ROBO2: variants seen among roughly 807,000 people sequenced by gnomAD.
ROBO2 encodes roundabout homolog 2.
Under a neutral mutation model 160.8 loss-of-function variants are expected in ROBO2, and 53 were observed. The observed-to-expected ratio is 0.33, with a 90% CI of 0.26 to 0.41. The LOEUF is 0.41. ROBO2 is among the 10% of genes least tolerant of loss of function. ROBO2 has a pLI of 1.00. For missense variants in ROBO2, 1,577 were observed against 1,722.4 expected (o/e 0.92, Z 1.49); for synonymous variants, 664 against 611.7 (o/e 1.09, Z -1.26).
chr3:77,527,500 A>G (rs528895015), intron 6 of ROBO2, 86 bp downstream of exon 7: 5 of 992,334 alleles, frequency 5.0e-6, no homozygotes, highest in Admixed American at 3.1e-5. Flanking sequence ...AGAATGAAAT[A>G]TATTTATTTT....
chr3:76,856,336 G>A (rs2070073975), intron 2 of ROBO2, among the ~76,000 whole-genome samples: 1 of 152,142 alleles, frequency 6.6e-6, no homozygotes, highest in Non-Finnish European at 1.5e-5. Context: ...ACAACATGAT[G>A]TTTTAAGACA....
chr3:77,551,124 C>A, intron 8 of ROBO2, 135 bp downstream of exon 9: 1 of 905,100 alleles, frequency 1.1e-6, no homozygotes, highest in Non-Finnish European at 1.7e-6. Flanking sequence ...ATCCAGGTCA[C>A]ATTCTTTTGG....
intron 2 of ROBO2, among the ~76,000 whole-genome samples, chr3:76,964,267 T>C (rs1410872000): frequency 6.6e-6 from 1 of 152,210 alleles, no homozygotes; most frequent in African/African-American, 2.4e-5. Flanking sequence ...AAGGTTTAAA[T>C]GTTGAGTCTA....
At chr3:77,317,313 A>G (rs1014967737) in intron 2 of ROBO2, 2 of 757,472 alleles carry the variant, frequency 2.6e-6, no homozygotes, top group Non-Finnish European at 4.7e-6. Flanking sequence ...GGATGAATGC[A>G]AGGTCAGCCT....
At chr3:77,517,108 A>C (rs888110410) in intron 5 of ROBO2, among the ~76,000 whole-genome samples, 6 of 151,662 alleles carry the variant, frequency 4.0e-5, no homozygotes, top group Non-Finnish European at 8.9e-5. Flanking sequence ...GCTTTGAAGA[A>C]AATAAAACGT....
intron 12 of ROBO2, among the ~76,000 whole-genome samples, chr3:77,565,727 C>A (rs557686538): frequency 6.6e-5 from 10 of 152,108 alleles, no homozygotes; most frequent in African/African-American, 2.4e-4. Context: ...TTTAAAGGAG[C>A]AATTTATTAC....
Position 76,815,445 on chromosome 3 carries a change from G to GA in ROBO2, c.110-282558dup, listed in dbSNP as rs5850292. ...GCAAGAAACACTGTCCAGAAAAATTGAAAAAAAAAAAGTGTTAACAGAATC... is the reference window on the plus strand; with the variant it reads ...GCAAGAAACACTGTCCAGAAAAATTGAAAAAAAAAAAAGTGTTAACAGAATC... On this transcript the variant is annotated intron_variant, in intron 2 of 26. Coordinates refer to the ROBO2 transcript ENST00000487694. 4.6e-3 allele frequency among the ~76,000 whole-genome samples: 638 copies of GA among 139,938 alleles called. 6 individuals carry two copies. The highest frequency in any genetic ancestry group is 0.015 in the African/African-American group (578 of 38,352). 91.8% of individuals were successfully genotyped at this position (139,938 alleles called of 152,430 possible).
intron 2 of ROBO2, among the ~76,000 whole-genome samples, chr3:77,422,652 T>C (rs1288768771): frequency 6.6e-5 from 10 of 152,198 alleles, no homozygotes; most frequent in Non-Finnish European, 1.5e-4. Flanking sequence ...ACATAGCTAA[T>C]GTGTTCTTTA....
intron 2 of ROBO2, among the ~76,000 whole-genome samples, chr3:77,293,472 T>C (rs62251164): frequency 0.37 from 48,051 of 129,678 alleles, 9,396 homozygotes; most frequent in Middle Eastern, 0.56. Flanking sequence ...GACGGTTAAA[T>C]GGGTAAGCTG....
chr3:76,697,849 A>T (rs2092960384), intron 2 of ROBO2, among the ~76,000 whole-genome samples: 2 of 152,288 alleles, frequency 1.3e-5, no homozygotes, highest in South Asian at 2.1e-4. Context: ...AAGGAAAAAA[A>T]AATTGAGGGA....
rs556967619 is a variant in ROBO2, at chr3:76,886,058, G to A, written c.110-211956G>A. Among the ~76,000 whole-genome samples the A allele has an allele frequency of 7.2e-5, 11 of 152,146 alleles. No homozygotes were observed. In the South Asian group the frequency reaches 8.3e-4, roughly 11 times the overall value. ...AGACTGAGGTACAGCAGTTCATGCC[G>A]CCTTTTGAAGATGGCAAAATTGCGC... On this transcript the variant is annotated intron_variant, in intron 2 of 26. Transcript: ENST00000487694.
Position 76,481,871 on chromosome 3 carries a change from A to G in ROBO2, c.109+544269A>G, listed in dbSNP as rs1172179937. ...TTCAAAGACCCTGAAGATCTCCCCA[A>G]AAGTGGATTTTTCTTCATCCAGGCA... On this transcript the variant is annotated intron_variant, in intron 2 of 26. Transcript: ENST00000487694. 2.0e-5 allele frequency among the ~76,000 whole-genome samples: 3 copies of G among 152,128 alleles called. No homozygotes were observed. The South Asian group carries it at 6.2e-4, about 31-fold the overall frequency.
chr3:77,311,559 A>G (rs758047407), intron 2 of ROBO2, among the ~76,000 whole-genome samples: 11 of 152,234 alleles, frequency 7.2e-5, no homozygotes, highest in Non-Finnish European at 1.6e-4. Context: ...GTGATTAAGA[A>G]CGAAAGGGAT....
At chr3:77,138,025 C>T (rs1015432708) in intron 2 of ROBO2, among the ~76,000 whole-genome samples, 3 of 152,014 alleles carry the variant, frequency 2.0e-5, no homozygotes, top group African/African-American at 7.2e-5. Flanking sequence ...CTCTGACACT[C>T]GTTTGAATCT....
At chr3:77,171,341 A>G (rs947229282) in intron 2 of ROBO2, among the ~76,000 whole-genome samples, 3 of 152,254 alleles carry the variant, frequency 2.0e-5, no homozygotes, top group Non-Finnish European at 2.9e-5. Context: ...CACTGGGGTA[A>G]CATGCAGCCT....
chr3:76,642,021 G>C (rs1320704472), intron 2 of ROBO2, among the ~76,000 whole-genome samples: 3 of 151,974 alleles, frequency 2.0e-5, no homozygotes, highest in African/African-American at 7.2e-5. Context: ...CACTAGCCTG[G>C]TTAGTTAAGT....
intron 2 of ROBO2, among the ~76,000 whole-genome samples, chr3:76,526,936 T>G (rs2081978103): frequency 6.6e-6 from 1 of 152,110 alleles, no homozygotes; most frequent in Admixed American, 6.6e-5. Context: ...ACTACCATAT[T>G]TGTTCCTTGT....
chr3:76,831,702 T>G (rs916794058), intron 2 of ROBO2, among the ~76,000 whole-genome samples: 1 of 152,186 alleles, frequency 6.6e-6, no homozygotes, highest in Non-Finnish European at 1.5e-5. Context: ...ATAGCAAAAC[T>G]AAGACAAACT....
chr3:76,797,104 A>G (rs2063757551), intron 2 of ROBO2, among the ~76,000 whole-genome samples: 1 of 152,170 alleles, frequency 6.6e-6, no homozygotes, highest in African/African-American at 2.4e-5. Flanking sequence ...TGGACCTAAC[A>G]GATATGTACG....
Sources: gnomAD v4.1 joint callset for allele counts (sites outside exome capture counted in the v4.1 genomes callset) on GRCh38, gnomAD v4.1.1 for gene constraint, MANE v1.5 for transcripts, NCBI Gene and HGNC (gene_info 2026-07-23, HGNC 2026-07-21) for gene names.